UBE2E2: variants seen among roughly 807,000 people sequenced by gnomAD.
The protein encoded by UBE2E2 is ubiquitin conjugating enzyme E2 E2.
A neutral mutation model predicts 24.7 loss-of-function variants in UBE2E2; 6 were observed. That is an observed-to-expected ratio of 0.24 (90% CI 0.13 to 0.48). The LOEUF (loss-of-function observed/expected upper bound fraction) is 0.48. Ranked by LOEUF, UBE2E2 falls within the 20% of genes least tolerant of loss-of-function variation. The pLI, the probability that UBE2E2 is intolerant of heterozygous loss-of-function variation, is 0.99. For missense variants in UBE2E2, 169 were observed against 245.0 expected (o/e 0.69, Z 2.07); for synonymous variants, 104 against 83.6 (o/e 1.24, Z -1.33).
chr3:23,509,187 G>A (rs1226875400), intron 4 of UBE2E2, among the ~76,000 whole-genome samples: 1 of 152,194 alleles, frequency 6.6e-6, no homozygotes, highest in Non-Finnish European at 1.5e-5. Context: ...AAATATTCTT[G>A]TAAAGAGGAA....
intron 2 of UBE2E2, among the ~76,000 whole-genome samples, chr3:23,211,115 A>G (rs1203308613): frequency 2.0e-5 from 3 of 152,162 alleles, no homozygotes; most frequent in African/African-American, 7.2e-5. Context: ...GTACAGTCAC[A>G]GTATTTATTT....
rs561437476 is a variant in UBE2E2, at chr3:23,420,763, C to G, written c.228-78845C>G. ...GTTTAAGGTTTCTTTTAAGTCCTGC[C>G]TCTTTCAGGAAGCCTTTACCTAATA... On this transcript the variant is annotated intron_variant, in intron 3 of 5. Transcript: ENST00000396703. 2.6e-5 allele frequency among the ~76,000 whole-genome samples: 4 copies of G among 152,240 alleles called. No homozygotes were observed. The South Asian group carries it at 8.3e-4, about 32-fold the overall frequency.
intron 3 of UBE2E2, among the ~76,000 whole-genome samples, chr3:23,453,218 TAAATC>T (rs1698603856): frequency 2.0e-5 from 3 of 152,206 alleles, no homozygotes; most frequent in African/African-American, 7.2e-5. Context: ...ATATGTCAGT[TAAATC>T]AACGTAGTTG....
chr3:23,560,211 TCCCCC>T (rs1695888959), intron 5 of UBE2E2, among the ~76,000 whole-genome samples: 1 of 48,248 alleles, frequency 2.1e-5, no homozygotes, highest in Non-Finnish European at 4.3e-5. Context: ...ACCTCCCCCC[TCCCCC>T]TCCCCCCACC....
rs182882940 is a variant in UBE2E2 at position 23,466,096 on chromosome 3, G to A, written c.228-33512G>A. ...ACCAGAAGTATGCAGAATGATTACTGGTAGTACAATATAAACATTTTTAAA... is the reference window on the plus strand; with the variant it reads ...ACCAGAAGTATGCAGAATGATTACTAGTAGTACAATATAAACATTTTTAAA... On this transcript the variant is annotated intron_variant, in intron 3 of 5. Transcript: ENST00000396703. Among the ~76,000 whole-genome samples, 80 of 152,118 alleles carry A rather than the reference G, an allele frequency of 5.3e-4. 2 individuals carry two copies. In the South Asian group the frequency reaches 0.012, roughly 22 times the overall value.
At chr3:23,418,427 A>C (rs149189210) in intron 3 of UBE2E2, among the ~76,000 whole-genome samples, 18 of 152,264 alleles carry the variant, frequency 1.2e-4, no homozygotes, top group African/African-American at 4.3e-4. Flanking sequence ...GGAAATGCAG[A>C]AATCACCCAC....
intron 3 of UBE2E2, among the ~76,000 whole-genome samples, chr3:23,409,420 C>T (rs1012971699): frequency 4.6e-5 from 7 of 152,126 alleles, no homozygotes; most frequent in Non-Finnish European, 1.0e-4. Context: ...GTAGAAACTT[C>T]TAGATGTAAC....
intron 3 of UBE2E2, among the ~76,000 whole-genome samples, chr3:23,497,528 A>G (rs1428659266): frequency 6.6e-6 from 1 of 152,196 alleles, no homozygotes; most frequent in Non-Finnish European, 1.5e-5. Context: ...TTATGATTTA[A>G]TACTCTATGT....
chr3:23,541,808 T>G (rs1211760770), intron 5 of UBE2E2, among the ~76,000 whole-genome samples: 1 of 152,224 alleles, frequency 6.6e-6, no homozygotes, highest in Non-Finnish European at 1.5e-5. Context: ...TATCTGACTA[T>G]GTGCCTATAG....
rs1559371491 is a variant in UBE2E2 at position 23,396,321 on chromosome 3, A to ATATATATACGTATATATATATATATGTG, written c.228-103263_228-103262insTGTGTATATATACGTATATATATATATA. Among the ~76,000 whole-genome samples the ATATATATACGTATATATATATATATGTG allele has an allele frequency of 6.7e-4, 75 of 112,408 alleles. 2 individuals are homozygous for ATATATATACGTATATATATATATATGTG. In the East Asian group the frequency reaches 0.018, roughly 28 times the overall value. 73.7% of individuals were successfully genotyped at this position (112,408 alleles called of 152,430 possible). A position where few individuals can be genotyped will look rare whatever the true frequency, so the allele number is the denominator to read the frequency against. ...TTATTTTTTATATATATATATATGTATATATATACGTATATATATATATAG... is the reference window on the plus strand; with the variant it reads ...TTATTTTTTATATATATATATATGTATATATATACGTATATATATATATATGTGTATATATACGTATATATATATATAG... On this transcript the variant is annotated intron_variant, in intron 3 of 5. Transcript: ENST00000396703.
chr3:23,302,378 C>T (rs1464808078), intron 3 of UBE2E2, among the ~76,000 whole-genome samples: 1 of 152,144 alleles, frequency 6.6e-6, no homozygotes, highest in Non-Finnish European at 1.5e-5. Context: ...CCAGTTATGC[C>T]TTTTGACTTT....
chr3:23,407,184 C>G lies in UBE2E2; in HGVS notation c.228-92424C>G, dbSNP rs936264009. Among the ~76,000 whole-genome samples the G allele has an allele frequency of 4.6e-5, 7 of 151,500 alleles. No individual in the cohort carries two copies. The highest frequency in any genetic ancestry group is 7.4e-5 in the Non-Finnish European group (5 of 67,890). On this transcript the variant is annotated intron_variant, in intron 3 of 5. Coordinates refer to ENST00000396703, the MANE Select transcript of UBE2E2 (RefSeq NM_152653.4). This position sits in a 1 kb window ranked among gnomAD's most constrained non-coding sequence, Gnocchi z 4.0. ...TGAGAACCCTGACTTTCAGAATGGC[C>G]TGGAAAAAAAAAAGGTCTTGACCAC...
At chr3:23,233,365 T>C (rs1411712280) in intron 3 of UBE2E2, among the ~76,000 whole-genome samples, 6 of 152,200 alleles carry the variant, frequency 3.9e-5, no homozygotes, top group Admixed American at 3.9e-4. Context: ...AACAGTGTTA[T>C]GGTCCTACTT....
upstream of UBE2E2, chr3:23,203,197 C>A: frequency 1.0e-6 from 1 of 986,066 alleles, no homozygotes; most frequent in South Asian, 4.5e-5. Context: ...CAGCGACAGC[C>A]GCGGGCAGCA....
At chr3:23,553,708 A>C (rs1208907107) in intron 5 of UBE2E2, among the ~76,000 whole-genome samples, 2 of 152,168 alleles carry the variant, frequency 1.3e-5, no homozygotes, top group African/African-American at 4.8e-5. Context: ...ACAGGATATA[A>C]AATTTAAAAT....
chr3:23,347,174 T>C (rs183673265), intron 3 of UBE2E2, among the ~76,000 whole-genome samples: 2 of 152,326 alleles, frequency 1.3e-5, no homozygotes, highest in East Asian at 3.9e-4. Context: ...GAACTAGAAA[T>C]ACATTTGACC....
chr3:23,256,788 G>C (rs997840389), intron 3 of UBE2E2, among the ~76,000 whole-genome samples: 1 of 152,032 alleles, frequency 6.6e-6, no homozygotes, highest in African/African-American at 2.4e-5. Context: ...GCCTGCATGC[G>C]TCCTTGCTCT....
At chr3:23,483,219 TAC>T (rs979756405) in intron 3 of UBE2E2, among the ~76,000 whole-genome samples, 1 of 152,238 alleles carries the variant, frequency 6.6e-6, no homozygotes, top group Non-Finnish European at 1.5e-5. Flanking sequence ...AGGTTTGAAA[TAC>T]AGTTTCATCA....
intron 3 of UBE2E2, among the ~76,000 whole-genome samples, chr3:23,339,919 A>G (rs1259100998): frequency 6.6e-6 from 1 of 152,138 alleles, no homozygotes; most frequent in African/African-American, 2.4e-5. Flanking sequence ...AATTGTCAGG[A>G]ATAACGGGAA....
Sources: gnomAD v4.1 joint callset for allele counts (sites outside exome capture counted in the v4.1 genomes callset) on GRCh38, gnomAD v4.1.1 for gene constraint, Gnocchi (gnomAD v3.1) non-coding constraint, MANE v1.5 for transcripts, NCBI Gene and HGNC (gene_info 2026-07-23, HGNC 2026-07-21) for gene names.